GALNT13: variants seen among roughly 807,000 people sequenced by gnomAD.
GALNT13 encodes UDP-GalNAc:polypeptide N-acetylgalactosaminyltransferase 13.
Under a neutral mutation model 64.2 loss-of-function variants are expected in GALNT13, and 28 were observed. That is an observed-to-expected ratio of 0.44 (90% confidence interval 0.32 to 0.60). GALNT13 has a LOEUF of 0.60. Among genes scored for constraint, GALNT13 ranks in the 20% least tolerant of loss-of-function variants. GALNT13 has a pLI of 0.05. For synonymous variants in GALNT13, 214 were observed against 224.6 expected, an observed-to-expected ratio of 0.95 and a Z score of 0.42; for missense variants, 577 against 669.8, an observed-to-expected ratio of 0.86 and a Z score of 1.53.
At chr2:154,417,360 A>T (rs905632045) in intron 11 of GALNT13, among the ~76,000 whole-genome samples, 1 of 150,464 alleles carries the variant, frequency 6.6e-6, no homozygotes, top group African/African-American at 2.4e-5. Flanking sequence ...CACAACTTTG[A>T]CCCCTTTCTG....
At chr2:153,118,551 G>C in the GALNT13 span, among the ~76,000 whole-genome samples, 1 of 151,998 alleles carries the variant, frequency 6.6e-6, no homozygotes, top group South Asian at 2.1e-4. Flanking sequence ...TTTTTACTAG[G>C]CTGTGGATAC....
intron 11 of GALNT13, among the ~76,000 whole-genome samples, chr2:154,415,137 A>G (rs557809872): frequency 3.6e-5 from 3 of 84,142 alleles, no homozygotes; most frequent in Admixed American, 2.2e-4. Context: ...CCATCTCTAG[A>G]AAAAAAAAAA....
the GALNT13 span, among the ~76,000 whole-genome samples, chr2:153,387,384 G>T: frequency 6.6e-6 from 1 of 151,982 alleles, no homozygotes; most frequent in Non-Finnish European, 1.5e-5. Context: ...ATCCACCAAT[G>T]GGTACTTTTA....
the GALNT13 span, among the ~76,000 whole-genome samples, chr2:153,495,928 A>C: frequency 6.6e-6 from 1 of 152,318 alleles, no homozygotes; most frequent in East Asian, 1.9e-4. Flanking sequence ...CAGGAGAGTA[A>C]ATATCCAGAC....
chr2:153,612,633 A>AAAAC, the GALNT13 span, among the ~76,000 whole-genome samples: 2 of 99,570 alleles, frequency 2.0e-5, no homozygotes, highest in Non-Finnish European at 4.5e-5. Flanking sequence ...ATAAGAAAAC[A>AAAAC]AAGAAAAAAA....
chr2:153,831,825 T>A, the GALNT13 span, among the ~76,000 whole-genome samples: 1 of 152,158 alleles, frequency 6.6e-6, no homozygotes, highest in African/African-American at 2.4e-5. Context: ...GCATAGCGTA[T>A]CTCTTCATTT....
chr2:153,127,417 G>T, the GALNT13 span, among the ~76,000 whole-genome samples: 1 of 152,078 alleles, frequency 6.6e-6, no homozygotes, highest in African/African-American at 2.4e-5. Context: ...AGTCACAGAA[G>T]AAGATGACTA....
chr2:153,669,593 A>G, the GALNT13 span, among the ~76,000 whole-genome samples: 1 of 152,224 alleles, frequency 6.6e-6, no homozygotes, highest in Non-Finnish European at 1.5e-5. Flanking sequence ...GCTCTGGTCT[A>G]CAGCTCCCAG....
At chr2:153,736,652 C>G in the GALNT13 span, among the ~76,000 whole-genome samples, 1 of 152,150 alleles carries the variant, frequency 6.6e-6, no homozygotes, top group African/African-American at 2.4e-5. Flanking sequence ...ATTTATCCAT[C>G]TATTTCTCTA....
At chr2:153,488,244 C>T in the GALNT13 span, among the ~76,000 whole-genome samples, 8 of 152,186 alleles carry the variant, frequency 5.3e-5, no homozygotes, top group African/African-American at 1.9e-4. Flanking sequence ...AGAGAAGGCA[C>T]TTCCGCCTGG....
At chr2:154,300,477 TGTTA>T (rs1352914817) in intron 8 of GALNT13, among the ~76,000 whole-genome samples, 2 of 152,106 alleles carry the variant, frequency 1.3e-5, no homozygotes, top group African/African-American at 2.4e-5. Flanking sequence ...ATGAAAACAA[TGTTA>T]GTTACAGTAT....
At chr2:153,533,255 G>GT in the GALNT13 span, among the ~76,000 whole-genome samples, 13 of 151,650 alleles carry the variant, frequency 8.6e-5, no homozygotes, top group East Asian at 1.2e-3. Flanking sequence ...TCTGCTTGGG[G>GT]TTTTTTTTCT....
chr2:154,419,746 C>T (rs562487208), intron 11 of GALNT13, among the ~76,000 whole-genome samples: 5 of 152,040 alleles, frequency 3.3e-5, no homozygotes, highest in South Asian at 4.1e-4. Flanking sequence ...CTGTGATTAT[C>T]GATAAGAAAA....
At chr2:153,654,342 T>C in the GALNT13 span, among the ~76,000 whole-genome samples, 2 of 152,186 alleles carry the variant, frequency 1.3e-5, no homozygotes, top group African/African-American at 4.8e-5. Flanking sequence ...ATCAACTATA[T>C]AGAAAAATTG....
the GALNT13 span, among the ~76,000 whole-genome samples, chr2:153,119,037 C>G: frequency 2.0e-5 from 3 of 152,014 alleles, no homozygotes; most frequent in Non-Finnish European, 4.4e-5. Flanking sequence ...AAGGGACTTT[C>G]CCTACTCTTC....
At chr2:153,419,759 ATTTAC>A in the GALNT13 span, among the ~76,000 whole-genome samples, 2 of 152,198 alleles carry the variant, frequency 1.3e-5, no homozygotes, top group East Asian at 1.9e-4. Context: ...TGGTTGTAAT[ATTTAC>A]TTTAGTTATG....
chr2:153,549,266 T>A, the GALNT13 span, among the ~76,000 whole-genome samples: 1 of 152,172 alleles, frequency 6.6e-6, no homozygotes, highest in Non-Finnish European at 1.5e-5. Flanking sequence ...CAAAAGTATA[T>A]CAAGTGCTCA....
At chr2:153,591,568 A>G in the GALNT13 span, among the ~76,000 whole-genome samples, 1 of 152,122 alleles carries the variant, frequency 6.6e-6, no homozygotes, top group African/African-American at 2.4e-5. Context: ...TACAGTAACC[A>G]AAACAGCATG....
intron 11 of GALNT13, among the ~76,000 whole-genome samples, chr2:154,435,291 C>T (rs1700907626): frequency 6.6e-6 from 1 of 152,140 alleles, no homozygotes. Context: ...GTGTAGTTAT[C>T]AGTATATGTG....
Sources: allele counts gnomAD v4.1 joint callset (sites outside exome capture counted in the v4.1 genomes callset), GRCh38; gene constraint gnomAD v4.1.1; transcripts MANE v1.5; gene names NCBI Gene and HGNC (gene_info 2026-07-23, HGNC 2026-07-21).